HAT1: variants seen among roughly 807,000 people sequenced by gnomAD.
HAT1 encodes histone acetyltransferase 1, also known as histone acetyltransferase type B catalytic subunit.
In HAT1, 20 loss-of-function variants were observed where a neutral mutation model predicts 56.6. The ratio of observed to expected loss-of-function variants is 0.35; its 90% CI spans 0.25 to 0.51. The LOEUF is 0.51. HAT1 is among the 20% of genes least tolerant of loss of function. The pLI, the probability that HAT1 is intolerant of heterozygous loss-of-function variation, is 0.95. For missense variants in HAT1, 408 were observed against 504.3 expected, an observed-to-expected ratio of 0.81 and a Z score of 1.83; for synonymous variants, 146 against 165.5, an observed-to-expected ratio of 0.88 and a Z score of 0.91.
At chr2:171,944,959 C>T (rs1687119999) in intron 2 of HAT1, among the ~76,000 whole-genome samples, 2 of 152,172 alleles carry the variant, frequency 1.3e-5, no homozygotes, top group South Asian at 2.1e-4. Flanking sequence ...GCAACCTCCT[C>T]CTCCCAGGTT....
chr2:171,941,300 C>T (rs1687012579), intron 2 of HAT1, among the ~76,000 whole-genome samples: 1 of 152,048 alleles, frequency 6.6e-6, no homozygotes, highest in African/African-American at 2.4e-5. Flanking sequence ...GCAACCTCCA[C>T]CTCCTGGGTT....
intron 4 of HAT1, chr2:171,965,095 A>T (rs1282960042): frequency 4.7e-6 from 2 of 428,124 alleles, no homozygotes; most frequent in African/African-American, 4.1e-5. Context: ...TGCCCTTATT[A>T]TTGTACTTGG....
chr2:171,950,599 G>A (rs1687284411), intron 3 of HAT1, among the ~76,000 whole-genome samples: 1 of 152,066 alleles, frequency 6.6e-6, no homozygotes. Context: ...CGCCTCTCAG[G>A]TTCAAGCGAT....
chr2:171,956,350 A>G (rs1687447898), intron 4 of HAT1, among the ~76,000 whole-genome samples: 1 of 151,754 alleles, frequency 6.6e-6, no homozygotes, highest in Admixed American at 6.6e-5. Flanking sequence ...ACACACACAC[A>G]CGCTGACACA....
chr2:171,953,292 GCTGAGAT>G, intron 4 of HAT1, among the ~76,000 whole-genome samples: 1 of 151,952 alleles, frequency 6.6e-6, no homozygotes, highest in East Asian at 1.9e-4. Flanking sequence ...GCTACAGTCA[GCTGAGAT>G]CATGCCACTG....
At chr2:171,959,147 C>T (rs1395686846) in intron 4 of HAT1, among the ~76,000 whole-genome samples, 14 of 152,152 alleles carry the variant, frequency 9.2e-5, no homozygotes. Flanking sequence ...CTGAGTAATA[C>T]TGTAGTGGTT....
At chr2:171,968,885 TATTCTTTATATTGAG>T (rs1467702794) in intron 8 of HAT1, among the ~76,000 whole-genome samples, 3 of 152,198 alleles carry the variant, frequency 2.0e-5, no homozygotes, top group Non-Finnish European at 4.4e-5. Context: ...CAATCCAGAA[TATTCTTTATATTGAG>T]ATGGCCTTTT....
intron 1 of HAT1, chr2:171,923,072 C>T (rs1370529015): frequency 1.3e-5 from 2 of 152,612 alleles, no homozygotes; most frequent in African/African-American, 2.4e-5. Flanking sequence ...ATTTAGATGC[C>T]CTTTGAGAAA....
chr2:171,975,102 C>CT (rs56657515), intron 8 of HAT1, among the ~76,000 whole-genome samples: 9,642 of 130,912 alleles, frequency 0.074, 407 homozygotes, highest in African/African-American at 0.12. Context: ...TATTTTCTTT[C>CT]TTTTTTTTTT....
chr2:171,980,312 A>G (rs1240663017), intron 10 of HAT1: 3 of 152,088 alleles, frequency 2.0e-5, no homozygotes, highest in African/African-American at 4.8e-5. Flanking sequence ...AAGCAAAGTT[A>G]TACATATATA....
chr2:171,952,959 T>G lies in HAT1; in HGVS notation c.267T>G (p.Val89=). 6.3e-7 allele frequency: 1 copy of G among 1,593,304 alleles called. No individual in the cohort carries two copies. The highest frequency in any genetic ancestry group is 8.6e-7 in the Non-Finnish European group (1 of 1,161,752). The part of the protein sequence containing the change: ...IAGSLSTMFR[V]EYASKVDENF... ...GTAGCCTGTCAACAATGTTCCGTGT[T>G]GAATATGCATCTAAAGTTGATGAGA... Residue 89 remains valine (V), a synonymous_variant, in exon 4 of 11, where the codon GTT becomes GTG. Transcript: ENST00000264108.
intron 2 of HAT1, among the ~76,000 whole-genome samples, chr2:171,941,585 C>T (rs1385352785): frequency 6.6e-6 from 1 of 152,186 alleles, no homozygotes; most frequent in African/African-American, 2.4e-5. Flanking sequence ...ATTAGATTCT[C>T]ATAAGGAGCC....
intron 2 of HAT1, among the ~76,000 whole-genome samples, chr2:171,943,783 A>G (rs935804645): frequency 6.6e-6 from 1 of 150,522 alleles, no homozygotes; most frequent in African/African-American, 2.4e-5. Flanking sequence ...ACTTAAGAAA[A>G]TTAATGGTAA....
At chr2:171,965,749 G>A (rs1687668768) in intron 5 of HAT1, 38 bp from the exon 6 acceptor site, 1 of 1,597,378 alleles carries the variant, frequency 6.3e-7, no homozygotes, top group African/African-American at 1.3e-5. Context: ...TTACCTTTGT[G>A]ATGAGTTTCA....
chr2:171,973,231 T>C (rs1202964651), intron 8 of HAT1, among the ~76,000 whole-genome samples: 1 of 152,136 alleles, frequency 6.6e-6, no homozygotes, highest in Admixed American at 6.6e-5. Context: ...GTGGCCTCCC[T>C]TTCTCCTTCC....
chr2:171,935,321 C>G (rs1351009833), intron 2 of HAT1, among the ~76,000 whole-genome samples: 1 of 149,764 alleles, frequency 6.7e-6, no homozygotes, highest in Non-Finnish European at 1.5e-5. Flanking sequence ...TCGAGACCAG[C>G]CTGGCCAACA....
chr2:171,955,301 G>A (rs1035079819), intron 4 of HAT1, among the ~76,000 whole-genome samples: 3 of 152,080 alleles, frequency 2.0e-5, no homozygotes, highest in African/African-American at 7.2e-5. Flanking sequence ...TGGACTGTTG[G>A]TAGAAATATG....
At chr2:171,950,156 G>A (rs1687269314) in intron 3 of HAT1, among the ~76,000 whole-genome samples, 1 of 151,992 alleles carries the variant, frequency 6.6e-6, no homozygotes, top group East Asian at 1.9e-4. Flanking sequence ...AATGTGTGGG[G>A]GTTTTGGGTT....
chr2:171,954,752 C>T (rs865785562), intron 4 of HAT1, among the ~76,000 whole-genome samples: 10 of 152,194 alleles, frequency 6.6e-5, no homozygotes, highest in African/African-American at 9.6e-5. Flanking sequence ...CAAAAGATAT[C>T]CATGTCCTAA....
Sources: allele counts gnomAD v4.1 joint callset (sites outside exome capture counted in the v4.1 genomes callset), GRCh38; gene constraint gnomAD v4.1.1; transcripts MANE v1.5; gene names NCBI Gene and HGNC (gene_info 2026-07-23, HGNC 2026-07-21).